Variants in TAF5L observed in about 807,000 individuals in gnomAD.
TAF5L encodes TATA-box binding protein associated factor 5 like.
In TAF5L, 7 loss-of-function variants were observed where a neutral mutation model predicts 51.3. The observed-to-expected ratio is 0.14, with a 90% confidence interval of 0.08 to 0.26. The LOEUF (loss-of-function observed/expected upper bound fraction) is 0.26, where lower values mean the gene tolerates loss of function less well. Among genes scored for constraint, TAF5L ranks in the 10% least tolerant of loss-of-function variants. The pLI, the probability that TAF5L is intolerant of heterozygous loss-of-function variation, is 1.00. For missense variants in TAF5L, 575 were observed against 758.9 expected (o/e 0.76, Z 2.85); for synonymous variants, 291 against 308.1 (o/e 0.94, Z 0.58).
intron 4 of TAF5L, chr1:229,599,145 G>T: frequency 1.7e-6 from 1 of 599,760 alleles, no homozygotes; most frequent in Non-Finnish European, 2.1e-6. Flanking sequence ...CTTTCCAAAG[G>T]TTAACCTAGA....
intron 3 of TAF5L, chr1:229,607,358 C>T: frequency 1.0e-6 from 1 of 985,464 alleles, no homozygotes; most frequent in East Asian, 1.1e-4. Flanking sequence ...ATTCCTCTTA[C>T]AAATAATTTT....
rs955051601 is a variant in TAF5L at position 229,594,235 on chromosome 1, T to C, written c.*62A>G. ...AGTCAATGATTCAATCTCAGCTCAT[T>C]GAAGGATTGCAACTGGAGGCTTTCC... is the stretch of plus-strand genomic sequence containing the variant. On this transcript the variant is annotated 3_prime_UTR_variant, in exon 5 of 5. Coordinates refer to ENST00000258281, the Ensembl canonical transcript of TAF5L. This position sits in a 1 kb window ranked among gnomAD's most constrained non-coding sequence, Gnocchi z 7.9. The C allele has an allele frequency of 3.3e-6, 5 of 1,512,680 alleles. No individual in the cohort carries two copies. Among genetic ancestry groups the C allele is most frequent in the Non-Finnish European group, 4.5e-6 (5 of 1,117,008 alleles). 93.7% of individuals were successfully genotyped at this position (1,512,680 alleles called of 1,614,324 possible).
intron 1 of TAF5L, among the ~76,000 whole-genome samples, chr1:229,616,537 G>A (rs943269383): frequency 2.0e-5 from 3 of 151,984 alleles, no homozygotes; most frequent in African/African-American, 7.3e-5. Flanking sequence ...AAAATTATTT[G>A]TATCTAATTT....
chr1:229,598,767 C>T (rs1461703677), intron 4 of TAF5L, among the ~76,000 whole-genome samples: 5 of 150,824 alleles, frequency 3.3e-5, no homozygotes, highest in Admixed American at 1.3e-4. Flanking sequence ...GGCGCGGTCT[C>T]AGCTCACTGC....
chr1:229,606,967 A>T (rs1664616382), intron 3 of TAF5L: 1 of 985,238 alleles, frequency 1.0e-6, no homozygotes, highest in South Asian at 4.7e-5. Context: ...ATCACTTCTT[A>T]AGACTTTAAT....
chr1:229,612,911 C>A (rs1664839098), intron 2 of TAF5L, among the ~76,000 whole-genome samples: 1 of 152,162 alleles, frequency 6.6e-6, no homozygotes, highest in Non-Finnish European at 1.5e-5. Flanking sequence ...CAGGGCTGAG[C>A]TGCAGAAATC....
chr1:229,619,320 C>T (rs1665120992), intron 1 of TAF5L, among the ~76,000 whole-genome samples: 1 of 152,088 alleles, frequency 6.6e-6, no homozygotes, highest in African/African-American at 2.4e-5. Flanking sequence ...ATTATGATAG[C>T]CTTTCATATT....
intron 1 of TAF5L, among the ~76,000 whole-genome samples, chr1:229,619,004 G>A (rs1665107689): frequency 6.6e-6 from 1 of 152,098 alleles, no homozygotes; most frequent in African/African-American, 2.4e-5. Context: ...CTGACTGTTG[G>A]CTTTTGAGTA....
At chr1:229,606,667 C>T (rs938386627) in intron 3 of TAF5L, 12 of 985,248 alleles carry the variant, frequency 1.2e-5, no homozygotes, top group Non-Finnish European at 1.4e-5. Context: ...TCCTCAAATG[C>T]TCATTTCACT....
At chr1:229,604,745 A>G (rs538495161) in intron 3 of TAF5L, among the ~76,000 whole-genome samples, 1 of 152,316 alleles carries the variant, frequency 6.6e-6, no homozygotes, top group East Asian at 1.9e-4. Flanking sequence ...GGGAATACAG[A>G]ATGGGTAGTG....
At chr1:229,601,844 T>C in intron 4 of TAF5L, 1 of 1,047,694 alleles carries the variant, frequency 9.5e-7, no homozygotes, top group Non-Finnish European at 1.2e-6. Context: ...TACCGATTAT[T>C]TGTACCTGAG....
rs924667588 is a variant in TAF5L at position 229,594,053 on chromosome 1, G to T, written c.*244C>A. 16 of 470,506 alleles carry T rather than the reference G, an allele frequency of 3.4e-5. No homozygotes were observed. The highest frequency in any genetic ancestry group is 5.9e-5 in the Non-Finnish European group (15 of 256,174). 29.1% of individuals were successfully genotyped at this position (470,506 alleles called of 1,614,324 possible). On this transcript the variant is annotated 3_prime_UTR_variant, in exon 5 of 5. Coordinates refer to ENST00000258281, the Ensembl canonical transcript of TAF5L. The surrounding 1 kb of genome is among the most constrained non-coding windows in gnomAD (Gnocchi z 7.9). ...CACGGCAGAGTCTCCATGAGGACTT[G>T]TGAGTGACCTCCAGGGCACTCTAAT...
At chr1:229,608,945 A>G (rs1192049307) in intron 3 of TAF5L, among the ~76,000 whole-genome samples, 2 of 152,192 alleles carry the variant, frequency 1.3e-5, no homozygotes, top group Non-Finnish European at 2.9e-5. Flanking sequence ...TCAAGGCTGC[A>G]GTGAGCCGTG....
chr1:229,601,706 T>A, intron 4 of TAF5L: 1 of 995,398 alleles, frequency 1.0e-6, no homozygotes, highest in Non-Finnish European at 1.2e-6. Context: ...CCATCCAGTG[T>A]GGTGAGGGTG....
intron 1 of TAF5L, among the ~76,000 whole-genome samples, chr1:229,618,853 G>T (rs148348314): frequency 5.5e-4 from 84 of 152,048 alleles, no homozygotes; most frequent in African/African-American, 2.0e-3. Context: ...ACAGTTCCAC[G>T]AAATGCCAAA....
chr1:229,624,913 A>AC (rs1235379579), intron 1 of TAF5L, among the ~76,000 whole-genome samples: 1 of 152,164 alleles, frequency 6.6e-6, no homozygotes, highest in East Asian at 1.9e-4. Flanking sequence ...ATCGCCTGAT[A>AC]TAAGACACGC....
At chr1:229,600,769 G>A in intron 4 of TAF5L, 1 of 985,436 alleles carries the variant, frequency 1.0e-6, no homozygotes, top group Non-Finnish European at 1.2e-6. Flanking sequence ...CACAGAGCTA[G>A]TTACCAGTAG....
chr1:229,608,818 C>G (rs1246285065), intron 3 of TAF5L, among the ~76,000 whole-genome samples: 1 of 151,952 alleles, frequency 6.6e-6, no homozygotes, highest in Non-Finnish European at 1.5e-5. Context: ...CTGGGCAACA[C>G]AGTGAGACCC....
intron 3 of TAF5L, among the ~76,000 whole-genome samples, chr1:229,603,742 T>G (rs1378115790): frequency 2.6e-5 from 4 of 152,198 alleles, no homozygotes; most frequent in Non-Finnish European, 5.9e-5. Context: ...ATTTAAAAGG[T>G]GTACAGCTTG....
Sources: allele counts gnomAD v4.1 joint callset (sites outside exome capture counted in the v4.1 genomes callset), GRCh38; gene constraint gnomAD v4.1.1; non-coding constraint Gnocchi (gnomAD v3.1); transcripts MANE v1.5; gene names NCBI Gene and HGNC (gene_info 2026-07-23, HGNC 2026-07-21).